The following MDN1 variants were observed in gnomAD, a reference collection of about 807,000 sequenced individuals.
MDN1 encodes midasin.
In MDN1, 266 loss-of-function variants were observed where a neutral mutation model predicts 669.2. That is an observed-to-expected ratio of 0.40 (90% CI 0.36 to 0.44). The LOEUF (loss-of-function observed/expected upper bound fraction) is 0.44. Ranked by LOEUF, MDN1 falls within the 20% of genes least tolerant of loss-of-function variation. MDN1 has a pLI of 1.00. For synonymous variants in MDN1, 2,385 were observed against 2,457.1 expected (o/e 0.97, Z 0.87); for missense variants, 5,940 against 6,754.0 (o/e 0.88, Z 4.22).
At chr6:89,737,438 GTATT>G (rs1254509529) in intron 33 of MDN1, among the ~76,000 whole-genome samples, 3 of 151,764 alleles carry the variant, frequency 2.0e-5, no homozygotes, top group Non-Finnish European at 2.9e-5. Flanking sequence ...AAAAAACTAT[GTATT>G]TAGTCTTGGA....
Position 89,655,774 on chromosome 6 carries a change from T to C in MDN1, c.15480A>G (p.Ala5160=), listed in dbSNP as rs377156676. The part of the protein sequence containing the change: ...HIKQGSDAYD[A]QTYDVASKEQ... ...TTCCCAGGACCGTACCATAGGTCTG[T>C]GCATCGTATGCGTCACTGCCTTGTT... is the stretch of plus-strand genomic sequence containing the variant. The change falls in exon 92 of 102, where the codon GCA becomes GCG. Residue 5160 remains alanine (A), a synonymous_variant. Coordinates refer to ENST00000369393, the MANE Select transcript of MDN1 (RefSeq NM_014611.3). 15 of 1,606,592 alleles carry C rather than the reference T, an allele frequency of 9.3e-6. No homozygotes were observed. Among genetic ancestry groups the C allele is most frequent in the Middle Eastern group, 1.7e-4 (1 of 6,028 alleles).
chr6:89,686,805 TAGCGGGAGA>T (rs1812039676), intron 69 of MDN1, 88 bp downstream of exon 69: 2 of 1,486,166 alleles, frequency 1.3e-6, no homozygotes, highest in Non-Finnish European at 9.1e-7. Context: ...GAAAGCCATG[TAGCGGGAGA>T]AGCGGGAGCA....
Position 89,718,490 on chromosome 6 carries a change from T to A in MDN1, c.6459A>T (p.Thr2153=), listed in dbSNP as rs767518555. 4 of 1,614,196 alleles carry A rather than the reference T, an allele frequency of 2.5e-6. No individual in the cohort carries two copies. Among genetic ancestry groups the A allele is most frequent in the South Asian group, 2.2e-5 (2 of 91,090 alleles). The part of the protein sequence containing the change: ...VLRAWSHFLL[T]YKPKCLGEGG... ...CTTCTCCAAGACACTTAGGCTTATA[T>A]GTCAGAAGAAAATGACTCCAGGCTC... The change falls in exon 43 of 102, where the codon ACA becomes ACT. Residue 2153 remains threonine (T), a synonymous_variant. Transcript: ENST00000369393.
chr6:89,668,157 A>G lies in MDN1; in HGVS notation c.13957-6T>C, dbSNP rs775277006. 1 of 1,613,732 alleles carries G rather than the reference A, an allele frequency of 6.2e-7. No individual in the cohort carries two copies. The highest frequency in any genetic ancestry group is 8.5e-7 in the Non-Finnish European group (1 of 1,179,860). On this transcript the variant is annotated splice_region_variant and splice_polypyrimidine_tract_variant and intron_variant, in intron 83 of 101. Transcript: ENST00000369393. Reference sequence around the variant, plus strand: ...TCTTTGGGCAAGCAAAATCCCTTAGAAAAAAGAAAAAGGAAGTGAACAATT... The same window carrying G: ...TCTTTGGGCAAGCAAAATCCCTTAGGAAAAAGAAAAAGGAAGTGAACAATT...
intron 38 of MDN1, 47 bp from the exon 39 acceptor site, chr6:89,723,666 C>G (rs778414769): frequency 1.8e-6 from 2 of 1,133,404 alleles, no homozygotes; most frequent in Admixed American, 5.1e-5. Context: ...TTTCTCTTTA[C>G]CAAACACTAG....
In MDN1 at chr6:89,692,506, G is replaced by C; in HGVS notation, c.10524C>G (p.Ser3508=). The C allele has an allele frequency of 6.2e-7, 1 of 1,614,190 alleles. No individual in the cohort carries two copies. Among genetic ancestry groups the C allele is most frequent in the South Asian group, 1.1e-5 (1 of 91,084 alleles). Residue 3508 remains serine, a synonymous_variant, in exon 63 of 102, where the codon TCC becomes TCG. Coordinates refer to ENST00000369393, the MANE Select transcript of MDN1 (RefSeq NM_014611.3). ...CCAACTCTCCCTTGCATAACACGTG[G>C]GAGCGCAGGTAAAGGAGAGCATTCA... ...LLMNALLYLR[S]HVLCKGELDQ... is the part of the protein sequence containing the mutation.
At chr6:89,810,740 G>GT (rs1768361956) in intron 1 of MDN1, among the ~76,000 whole-genome samples, 1 of 152,102 alleles carries the variant, frequency 6.6e-6, no homozygotes, top group Non-Finnish European at 1.5e-5. Context: ...GCTCACGGCT[G>GT]TAATTCCAGC....
chr6:89,715,544 C>A, intron 45 of MDN1, 109 bp downstream of exon 45: 1 of 731,154 alleles, frequency 1.4e-6, no homozygotes, highest in African/African-American at 1.8e-5. Context: ...GGGTGAACTT[C>A]TCCATGATTC....
At chr6:89,764,834 T>C (rs1385985588) in intron 15 of MDN1, among the ~76,000 whole-genome samples, 5 of 152,226 alleles carry the variant, frequency 3.3e-5, no homozygotes, top group South Asian at 2.1e-4. Context: ...TGAAGGGCTA[T>C]ACAAACCAAA....
rs1029209564 is a variant in MDN1 at position 89,803,698 on chromosome 6, G to C, written c.103-144C>G. 1.1e-5 allele frequency: 7 copies of C among 639,810 alleles called. No homozygotes were observed. In the South Asian group the frequency reaches 1.2e-4, roughly 11 times the overall value. 39.6% of individuals were successfully genotyped at this position (639,810 alleles called of 1,614,324 possible). A position where few individuals can be genotyped will look rare whatever the true frequency, so the allele number is the denominator to read the frequency against. On this transcript the variant is annotated intron_variant, in intron 1 of 101. Coordinates refer to ENST00000369393, the MANE Select transcript of MDN1 (RefSeq NM_014611.3). ...CCGGGTTCATGCCATTCTCCTGCCC[G>C]AGCCGCCCAAGTAGCTGGGACTACA...
chr6:89,774,536 G>A, intron 13 of MDN1, 85 bp downstream of exon 13: 2 of 962,980 alleles, frequency 2.1e-6, no homozygotes, highest in Admixed American at 1.8e-5. Context: ...CATGTGTTTT[G>A]CACAAAGACA....
intron 22 of MDN1, 108 bp from the exon 23 acceptor site, chr6:89,751,690 T>C: frequency 1.8e-6 from 2 of 1,138,374 alleles, no homozygotes; most frequent in East Asian, 2.4e-5. Context: ...TTGTTCTGCA[T>C]ACTTTCAACA....
chr6:89,651,245 A>AAGGCT (rs1165904052), intron 95 of MDN1, among the ~76,000 whole-genome samples: 1 of 149,104 alleles, frequency 6.7e-6, no homozygotes, highest in Non-Finnish European at 1.5e-5. Context: ...GAATCGCTTG[A>AAGGCT]ACCCAGGAGG....
At chr6:89,654,684 C>CT (rs1216911509) in intron 92 of MDN1, among the ~76,000 whole-genome samples, 10 of 152,038 alleles carry the variant, frequency 6.6e-5, no homozygotes, top group African/African-American at 2.4e-4. Flanking sequence ...TAGGGTGACT[C>CT]TAACAATAAT....
chr6:89,680,602 A>G lies in MDN1; in HGVS notation c.12252T>C (p.Leu4084=). The change falls in exon 74 of 102, where the codon CTT becomes CTC. Residue 4084 remains leucine, a synonymous_variant. Transcript: ENST00000369393. The part of the protein sequence containing the change: ...ESPLPRLVEG[L]DQFTGEVISS... The stretch of plus-strand genomic sequence containing the variant: ...GCTGGCACCCACCTGTGAACTGATC[A>G]AGGCCCTCCACAAGGCGAGGCAGGG... 6.2e-7 allele frequency: 1 copy of G among 1,614,130 alleles called. No individual in the cohort carries two copies. The highest frequency in any genetic ancestry group is 8.5e-7 in the Non-Finnish European group (1 of 1,179,994).
chr6:89,811,087 C>CTAAGTATATTTTTGACAGACA (rs1768384610), intron 1 of MDN1, among the ~76,000 whole-genome samples: 1 of 152,206 alleles, frequency 6.6e-6, no homozygotes, highest in Non-Finnish European at 1.5e-5. Flanking sequence ...ACTAGGACTT[C>CTAAGTATATTTTTGACAGACA]TAAGTATATT....
chr6:89,771,639 C>T lies in MDN1; in HGVS notation c.2084-18G>A. 1 of 1,608,212 alleles carries T rather than the reference C, an allele frequency of 6.2e-7. No individual in the cohort carries two copies. On this transcript the variant is annotated intron_variant, in intron 14 of 101. Coordinates refer to ENST00000369393, the MANE Select transcript of MDN1 (RefSeq NM_014611.3). ...ACGGTGGCCTTTTATAAAGAAAGTGCAAAAGTGTTACTCCAAAAATTTAAA... is the reference window on the plus strand; with the variant it reads ...ACGGTGGCCTTTTATAAAGAAAGTGTAAAAGTGTTACTCCAAAAATTTAAA...
At chr6:89,770,059 C>A (rs1380575780) in intron 15 of MDN1, among the ~76,000 whole-genome samples, 1 of 152,084 alleles carries the variant, frequency 6.6e-6, no homozygotes, top group Admixed American at 6.6e-5. Flanking sequence ...GATCACACCA[C>A]TGCACTCCAG....
intron 69 of MDN1, among the ~76,000 whole-genome samples, chr6:89,686,696 C>T (rs1471979938): frequency 6.6e-6 from 1 of 152,240 alleles, no homozygotes; most frequent in Non-Finnish European, 1.5e-5. Flanking sequence ...AAACCTCTCA[C>T]ACTTTTGTTA....
Sources: gnomAD v4.1 joint callset for allele counts (sites outside exome capture counted in the v4.1 genomes callset) on GRCh38, gnomAD v4.1.1 for gene constraint, MANE v1.5 for transcripts, NCBI Gene and HGNC (gene_info 2026-07-23, HGNC 2026-07-21) for gene names.